POU2F1: variants seen among roughly 807,000 people sequenced by gnomAD.
The protein encoded by POU2F1 is POU class 2 homeobox 1.
A neutral mutation model predicts 84.9 loss-of-function variants in POU2F1; 16 were observed. That is an observed-to-expected ratio of 0.19 (90% CI 0.13 to 0.29). POU2F1 has a LOEUF of 0.29. Among genes scored for constraint, POU2F1 ranks in the 10% least tolerant of loss-of-function variants. The pLI is 1.00. For missense variants in POU2F1, 738 were observed against 942.6 expected (o/e 0.78, Z 2.84); for synonymous variants, 368 against 368.3 (o/e 1.00, Z 0.01).
At chr1:167,312,226 G>A (rs569703439) in intron 1 of POU2F1, among the ~76,000 whole-genome samples, 11 of 146,962 alleles carry the variant, frequency 7.5e-5, no homozygotes, top group Non-Finnish European at 1.5e-4. Flanking sequence ...GTGAGCCACC[G>A]TGCCCAGCCA....
chr1:167,362,627 C>T (rs990130393), intron 2 of POU2F1, among the ~76,000 whole-genome samples: 2 of 152,228 alleles, frequency 1.3e-5, no homozygotes, highest in Admixed American at 6.5e-5. Flanking sequence ...TCCTTCCTGC[C>T]TCAGCCTCTG....
intron 1 of POU2F1, among the ~76,000 whole-genome samples, chr1:167,308,056 A>T (rs1467064290): frequency 6.6e-6 from 1 of 150,914 alleles, no homozygotes; most frequent in African/African-American, 2.4e-5. Context: ...GTGGTGCAAA[A>T]TTTTTATTTG....
rs753404355 is a variant in POU2F1, at chr1:167,412,092, C to T, written c.1689C>T (p.Ala563=). The change falls in exon 14 of 16, where the codon GCC becomes GCT. Residue 563 remains alanine, a synonymous_variant. Transcript: ENST00000367866. ...CCTCCACCTCCGAGGCATCCAGTGC[C>T]AGTGAGACCAGCACAACACAGACCA... is the stretch of plus-strand genomic sequence containing the variant. ...ASASTSEASS[A]SETSTTQTTS... is the part of the protein sequence containing the mutation. 5.6e-6 allele frequency: 9 copies of T among 1,614,112 alleles called. No individual in the cohort carries two copies. Among genetic ancestry groups the T allele is most frequent in the Non-Finnish European group, 7.6e-6 (9 of 1,180,038 alleles).
At chr1:167,263,928 G>C (rs746959687) in intron 1 of POU2F1, among the ~76,000 whole-genome samples, 10 of 152,168 alleles carry the variant, frequency 6.6e-5, no homozygotes, top group African/African-American at 1.4e-4. Flanking sequence ...TGGGATGAAA[G>C]CTCTTCTATT....
chr1:167,391,052 A>G (rs949749627), intron 9 of POU2F1, among the ~76,000 whole-genome samples: 1 of 152,156 alleles, frequency 6.6e-6, no homozygotes. Context: ...GATATGTAGC[A>G]TTTTTGTTTG....
At chr1:167,246,657 C>T (rs1240181253) in intron 1 of POU2F1, among the ~76,000 whole-genome samples, 1 of 152,146 alleles carries the variant, frequency 6.6e-6, no homozygotes, top group Non-Finnish European at 1.5e-5. Context: ...ATTGGACACT[C>T]ATATCTGTTA....
chr1:167,252,462 T>A (rs957296837), intron 1 of POU2F1, among the ~76,000 whole-genome samples: 5 of 152,124 alleles, frequency 3.3e-5, no homozygotes, highest in Admixed American at 3.3e-4. Flanking sequence ...TTGAAATATT[T>A]TAAAGTGCTG....
chr1:167,410,529 TA>T (rs58202476), intron 13 of POU2F1, among the ~76,000 whole-genome samples: 3 of 139,594 alleles, frequency 2.1e-5, no homozygotes, highest in African/African-American at 3.4e-5. Context: ...TTATTATTAT[TA>T]TTTTTAACGG....
Position 167,337,345 on chromosome 1 carries a change from G to A in POU2F1, c.127+4810G>A, listed in dbSNP as rs545430988. Among the ~76,000 whole-genome samples the A allele has an allele frequency of 7.3e-4, 111 of 151,948 alleles. 1 individual carries two copies. The highest frequency in any genetic ancestry group is 7.2e-3 in the Admixed American group (110 of 15,236). ...TCTCAAAAAAAAAAGAAAGAAAAAAGAGAATGCAGCTTTTATGTGGGTGCA... is the reference window on the plus strand; with the variant it reads ...TCTCAAAAAAAAAAGAAAGAAAAAAAAGAATGCAGCTTTTATGTGGGTGCA... On this transcript the variant is annotated intron_variant, in intron 2 of 15. Coordinates refer to ENST00000367866, the MANE Select transcript of POU2F1 (RefSeq NM_002697.4).
At chr1:167,268,134 A>C (rs1042507478) in intron 1 of POU2F1, among the ~76,000 whole-genome samples, 25 of 152,162 alleles carry the variant, frequency 1.6e-4, no homozygotes, top group Non-Finnish European at 3.4e-4. Context: ...AATCTGTTGA[A>C]TATCAGACAT....
Position 167,401,490 on chromosome 1 carries a change from A to G in POU2F1, c.1489A>G (p.Thr497Ala), listed in dbSNP as rs533498741. 6.2e-6 allele frequency: 10 copies of G among 1,613,544 alleles called. No homozygotes were observed. The highest frequency in any genetic ancestry group is 4.4e-5 in the South Asian group (4 of 90,914). Residue 497 changes from threonine to alanine, a missense_variant, in exon 13 of 16, where the codon ACT becomes GCT. Coordinates refer to ENST00000367866, the MANE Select transcript of POU2F1 (RefSeq NM_002697.4). ...TPSLVTSSAA[T>A]TLTVSPVLPL... ...AAGCCTTGTGACTAGCAGTGCAGCA[A>G]CTACCCTCACAGTCAGCCCTGTCCT... is the stretch of plus-strand genomic sequence containing the variant.
intron 8 of POU2F1, among the ~76,000 whole-genome samples, chr1:167,386,784 C>T (rs1011942068): frequency 2.0e-5 from 3 of 152,134 alleles, no homozygotes; most frequent in African/African-American, 4.8e-5. Flanking sequence ...AGACTGCATA[C>T]AGTATGATTC....
At chr1:167,232,844 CAAA>C (rs1265663009) in intron 1 of POU2F1, among the ~76,000 whole-genome samples, 2 of 87,838 alleles carry the variant, frequency 2.3e-5, no homozygotes, top group Non-Finnish European at 2.4e-5. Context: ...GACTCCATCT[CAAA>C]AAAAAAAAAA....
At chr1:167,228,137 G>A (rs978388333) in intron 1 of POU2F1, among the ~76,000 whole-genome samples, 6 of 152,214 alleles carry the variant, frequency 3.9e-5, no homozygotes, top group African/African-American at 1.4e-4. Flanking sequence ...TGGGAATACA[G>A]AGAAGGCCAT....
chr1:167,356,290 C>A (rs1658931911), intron 2 of POU2F1, among the ~76,000 whole-genome samples: 1 of 151,194 alleles, frequency 6.6e-6, no homozygotes, highest in African/African-American at 2.4e-5. Flanking sequence ...CGTGAGCCAC[C>A]CTGCCTGGCC....
chr1:167,374,279 C>A lies in POU2F1; in HGVS notation c.574C>A (p.Pro192Thr). Residue 192 changes from proline (P) to threonine (T), a missense_variant, in exon 6 of 16, where the codon CCC (proline) becomes ACC (threonine). Around this residue, in one of 4 missense-constraint regions of POU2F1, gnomAD observed 163 missense variants for 214.4 expected, o/e 0.76. Coordinates refer to ENST00000367866, the MANE Select transcript of POU2F1 (RefSeq NM_002697.4). ...TPMTQIPLSQ[P>T]IQIAQDLQQL... is the part of the protein sequence containing the mutation. The stretch of plus-strand genomic sequence containing the variant: ...CATGACGCAGATCCCCCTGTCTCAG[C>A]CCATACAGATCGCACAGGTGAGTGA... 1 of 1,605,188 alleles carries A rather than the reference C, an allele frequency of 6.2e-7. No homozygotes were observed. Among genetic ancestry groups the A allele is most frequent in the African/African-American group, 1.3e-5 (1 of 74,652 alleles).
intron 1 of POU2F1, among the ~76,000 whole-genome samples, chr1:167,248,588 G>A (rs1650504975): frequency 6.6e-6 from 1 of 152,170 alleles, no homozygotes; most frequent in African/African-American, 2.4e-5. Flanking sequence ...CCAGTAGTTT[G>A]TGGGGAGGAG....
intron 1 of POU2F1, among the ~76,000 whole-genome samples, chr1:167,227,807 A>G (rs555808401): frequency 6.6e-6 from 1 of 152,358 alleles, no homozygotes; most frequent in African/African-American, 2.4e-5. Flanking sequence ...GTAACAGATA[A>G]TGAAGATTGG....
At chr1:167,222,281 G>T (rs780598293) in intron 1 of POU2F1, among the ~76,000 whole-genome samples, 19 of 152,128 alleles carry the variant, frequency 1.2e-4, no homozygotes, top group Non-Finnish European at 2.5e-4. Flanking sequence ...CTGTGTGCTG[G>T]GTCGTCTTTA....
Sources: allele counts gnomAD v4.1 joint callset (sites outside exome capture counted in the v4.1 genomes callset), GRCh38; gene constraint gnomAD v4.1.1; regional missense constraint gnomAD v4.1.1; transcripts MANE v1.5; gene names NCBI Gene and HGNC (gene_info 2026-07-23, HGNC 2026-07-21).